Variants in SETD4 observed in about 807,000 individuals in gnomAD.
SETD4 encodes SET domain-containing protein 4.
Under a neutral mutation model 58.3 loss-of-function variants are expected in SETD4, and 46 were observed. The ratio of observed to expected loss-of-function variants is 0.79; its 90% confidence interval spans 0.62 to 1.01. SETD4 has a LOEUF of 1.01. Among genes scored for constraint, SETD4 ranks in the 50% least tolerant of loss-of-function variants. The probability of loss-of-function intolerance (pLI) is 0.00; values close to 1 mark genes in which losing one functional copy is unlikely to be tolerated. For synonymous variants in SETD4, 190 were observed against 202.6 expected (o/e 0.94, Z 0.53); for missense variants, 490 against 523.3 (o/e 0.94, Z 0.62).
At chr21:36,051,479 G>C in intron 4 of SETD4, 1 of 1,355,014 alleles carries the variant, frequency 7.4e-7, no homozygotes, top group East Asian at 2.6e-5. Context: ...AGGATGCTCA[G>C]GAAGATGAGA....
intron 4 of SETD4, chr21:36,050,909 A>G: frequency 6.2e-7 from 1 of 1,610,692 alleles, no homozygotes; most frequent in Admixed American, 1.7e-5. Flanking sequence ...GCAACTGCTC[A>G]TTAGGTGGTG....
chr21:36,039,665 T>C (rs570045249), intron 9 of SETD4, among the ~76,000 whole-genome samples: 2 of 152,270 alleles, frequency 1.3e-5, no homozygotes, highest in African/African-American at 2.4e-5. Flanking sequence ...AGTTTTCCAG[T>C]GAACAAGGAA....
At chr21:36,056,702 G>A (rs1465403508) in intron 3 of SETD4, among the ~76,000 whole-genome samples, 2 of 151,968 alleles carry the variant, frequency 1.3e-5, no homozygotes, top group African/African-American at 4.8e-5. Flanking sequence ...GGGACTACAG[G>A]GCACACCACC....
intron 1 of SETD4, 53 bp from the exon 2 acceptor site, chr21:36,058,977 A>C: frequency 6.8e-7 from 1 of 1,467,666 alleles, no homozygotes; most frequent in Non-Finnish European, 9.1e-7. Context: ...GCTCAATCTA[A>C]AATAAAAAAC....
intron 7 of SETD4, chr21:36,043,234 C>CGTA: frequency 6.2e-6 from 1 of 161,774 alleles, no homozygotes; most frequent in Non-Finnish European, 1.3e-5. Flanking sequence ...GCACTCCAGC[C>CGTA]TGAGCAACAG....
rs946221803 is a variant in SETD4, at chr21:36,035,099, T to C, written c.*894A>G. 2.6e-5 allele frequency: 4 copies of C among 152,102 alleles called. No individual in the cohort carries two copies. The highest frequency in any genetic ancestry group is 9.7e-5 in the African/African-American group (4 of 41,404). The allele number at this position is 152,102 out of a possible 1,614,324, so 9.4% of individuals were successfully genotyped here. On this transcript the variant is annotated 3_prime_UTR_variant, in exon 12 of 12. Coordinates refer to ENST00000332131, the MANE Select transcript of SETD4 (RefSeq NM_017438.5). ...GGGTAAACAGGACTCTGGGCAACAT[T>C]GTCTAAGCGGCGTCCCCAGCACGGG...
chr21:36,041,770 A>C, intron 8 of SETD4, 37 bp downstream of exon 8: 1 of 1,389,802 alleles, frequency 7.2e-7, no homozygotes, highest in Non-Finnish European at 9.8e-7. Context: ...AAAATTTCCT[A>C]AAGGAATAAT....
chr21:36,047,640 C>T (rs2064395264), intron 5 of SETD4, among the ~76,000 whole-genome samples: 1 of 151,924 alleles, frequency 6.6e-6, no homozygotes, highest in Admixed American at 6.6e-5. Flanking sequence ...GGATATCATA[C>T]CCACACTCCA....
chr21:36,050,420 T>C, intron 4 of SETD4: 1 of 1,614,162 alleles, frequency 6.2e-7, no homozygotes, highest in Non-Finnish European at 8.5e-7. Flanking sequence ...AGCTAATCAC[T>C]GCCTACCCAC....
rs370666335 is a variant in SETD4 at position 36,038,140 on chromosome 21, A to G, written c.1188+10T>C. 6.2e-7 allele frequency: 1 copy of G among 1,608,432 alleles called. No homozygotes were observed. Among genetic ancestry groups the G allele is most frequent in the South Asian group, 1.1e-5 (1 of 89,508 alleles). On this transcript the variant is annotated intron_variant, in intron 10 of 11. Coordinates refer to ENST00000332131, the MANE Select transcript of SETD4 (RefSeq NM_017438.5). ...CACTTCTTTAAGGATGTCATATTCTAGAAACATACCTTTTGAAGCACAGCA... is the reference window on the plus strand; with the variant it reads ...CACTTCTTTAAGGATGTCATATTCTGGAAACATACCTTTTGAAGCACAGCA...
At chr21:36,036,743 T>C (rs1404538940) in intron 10 of SETD4, 1 of 603,006 alleles carries the variant, frequency 1.7e-6, no homozygotes, top group African/African-American at 2.0e-5. Context: ...ACTTTTTGCC[T>C]TTTAATAAAA....
chr21:36,056,508 A>G (rs1417994214), intron 3 of SETD4, among the ~76,000 whole-genome samples: 1 of 152,182 alleles, frequency 6.6e-6, no homozygotes, highest in Non-Finnish European at 1.5e-5. Context: ...ACACACCCAT[A>G]GCAAGCTGCC....
In SETD4 at chr21:36,040,135, G is replaced by A. The variant is rs1313769913; in HGVS notation, c.1064+440C>T. On this transcript the variant is annotated intron_variant, in intron 9 of 11. Coordinates refer to ENST00000332131, the MANE Select transcript of SETD4 (RefSeq NM_017438.5). ...TGCACACCCACACCGGGGGCTCCCC[G>A]ACCTGCCTCCCCCATGGAAAAGTCC... 2.0e-5 allele frequency among the ~76,000 whole-genome samples: 3 copies of A among 152,192 alleles called. 1 individual carries two copies. Among genetic ancestry groups the A allele is most frequent in the Admixed American group, 2.0e-4 (3 of 15,280 alleles).
At chr21:36,051,295 G>T in intron 4 of SETD4, 1 of 1,591,248 alleles carries the variant, frequency 6.3e-7, no homozygotes, top group Non-Finnish European at 8.6e-7. Flanking sequence ...AGCATGGAGC[G>T]AGAGCTGCTC....
At chr21:36,048,670 A>G (rs981283408) in intron 4 of SETD4, among the ~76,000 whole-genome samples, 12 of 151,808 alleles carry the variant, frequency 7.9e-5, no homozygotes, top group African/African-American at 2.7e-4. Flanking sequence ...CTTCACCAGA[A>G]TGAGTGGTGG....
Position 36,045,613 on chromosome 21 carries a change from A to G in SETD4, c.695T>C (p.Leu232Pro). The G allele has an allele frequency of 6.2e-7, 1 of 1,614,058 alleles. No homozygotes were observed. Among genetic ancestry groups the G allele is most frequent in the Non-Finnish European group, 8.5e-7 (1 of 1,179,990 alleles). Reference protein sequence around the residue: ...EPDTCALAPYLDLLNHSPHVQ... With the variant: ...EPDTCALAPYPDLLNHSPHVQ... ...ATGTGGGCTATGATTCAGCAGGTCC[A>G]GGTACGGAGCGAGTGCACAGGTGTC... The change falls in exon 6 of 12, where the codon CTG (leucine) becomes CCG (proline). Residue 232 changes from leucine (L) to proline (P), a missense_variant. Physicochemically the swap from Leu to Pro is moderately conservative, Grantham distance 98. Coordinates refer to ENST00000332131, the MANE Select transcript of SETD4 (RefSeq NM_017438.5).
At chr21:36,055,592 A>G (rs944217987) in intron 3 of SETD4, among the ~76,000 whole-genome samples, 1 of 152,204 alleles carries the variant, frequency 6.6e-6, no homozygotes, top group Non-Finnish European at 1.5e-5. Context: ...GAGTTCATAC[A>G]TTTTGACTGA....
At position 36,048,537 on chromosome 21, in the gene SETD4, A is replaced by G. The variant is rs2064468284; in HGVS notation, c.208-141T>C. 9.7e-6 allele frequency: 7 copies of G among 723,624 alleles called. No homozygotes were observed. In the East Asian group the frequency reaches 1.3e-4, roughly 13 times the overall value. 44.8% of individuals were successfully genotyped at this position (723,624 alleles called of 1,614,324 possible). On this transcript the variant is annotated intron_variant, in intron 4 of 11. Transcript: ENST00000332131. ...ACCAAAAGCCACCAATGAGCCTACC[A>G]ATGGAGTCGCTCCCAACTCTGCGAG...
chr21:36,050,769 T>C (rs1330315048), intron 4 of SETD4: 1 of 1,612,460 alleles, frequency 6.2e-7, no homozygotes, highest in Non-Finnish European at 8.5e-7. Context: ...CCATCTTATT[T>C]GCCATGAAGC....
Sources: allele counts gnomAD v4.1 joint callset (sites outside exome capture counted in the v4.1 genomes callset), GRCh38; gene constraint gnomAD v4.1.1; transcripts MANE v1.5; gene names NCBI Gene and HGNC (gene_info 2026-07-23, HGNC 2026-07-21).